The following CPLANE1 variants were observed in gnomAD, a reference collection of about 807,000 sequenced individuals.
CPLANE1 encodes ciliogenesis and planar polarity effector 1.
A neutral mutation model predicts 362.5 loss-of-function variants in CPLANE1; 263 were observed. The ratio of observed to expected loss-of-function variants is 0.73; its 90% CI spans 0.66 to 0.80. The LOEUF (loss-of-function observed/expected upper bound fraction) is 0.80, where lower values mean the gene tolerates loss of function less well. Ranked by LOEUF, CPLANE1 falls within the 30% of genes least tolerant of loss-of-function variation. The probability of loss-of-function intolerance (pLI) is 0.00; values close to 1 mark genes in which losing one functional copy is unlikely to be tolerated. For synonymous variants in CPLANE1, 1,212 were observed against 1,302.6 expected, an observed-to-expected ratio of 0.93 and a Z score of 1.50; for missense variants, 3,461 against 3,793.4, an observed-to-expected ratio of 0.91 and a Z score of 2.30.
intron 8 of CPLANE1, among the ~76,000 whole-genome samples, chr5:37,238,429 TAC>T (rs1304326548): frequency 1.4e-4 from 21 of 149,554 alleles, no homozygotes; most frequent in Non-Finnish European, 3.0e-5. Flanking sequence ...GTGATCCACC[TAC>T]CTCAGCCTCC....
chr5:37,174,803 A>G (rs1313857551), intron 31 of CPLANE1, among the ~76,000 whole-genome samples: 1 of 152,228 alleles, frequency 6.6e-6, no homozygotes, highest in Non-Finnish European at 1.5e-5. Context: ...AACACACCCA[A>G]TAAAAAAACT....
intron 32 of CPLANE1, among the ~76,000 whole-genome samples, 185 bp downstream of exon 32, chr5:37,173,570 G>C (rs1780371902): frequency 6.6e-6 from 1 of 152,038 alleles, no homozygotes; most frequent in Non-Finnish European, 1.5e-5. Context: ...CTCCCAAAGT[G>C]CTGGGATTAC....
chr5:37,087,313 G>T, the CPLANE1 span, among the ~76,000 whole-genome samples: 1 of 152,130 alleles, frequency 6.6e-6, no homozygotes, highest in African/African-American at 2.4e-5. Flanking sequence ...AGCCTAAAAA[G>T]GGGAAGGAGG....
chr5:37,205,706 C>G (rs923128974), intron 17 of CPLANE1, among the ~76,000 whole-genome samples: 1 of 152,102 alleles, frequency 6.6e-6, no homozygotes, highest in African/African-American at 2.4e-5. Context: ...CATAAGTGTG[C>G]TAAATAAATG....
chr5:37,123,110 T>G (rs553576190), intron 47 of CPLANE1, among the ~76,000 whole-genome samples: 1 of 152,190 alleles, frequency 6.6e-6, no homozygotes, highest in African/African-American at 2.4e-5. Flanking sequence ...AATTAGACAT[T>G]TAAAATTATC....
In CPLANE1 at chr5:37,245,893, T is replaced by G. The variant is rs1013117838; in HGVS notation, c.82-48A>C. ...GACTCAAGAGGTGCCAGAAATTAAT[T>G]CAACTTACTGCCTAAATAAATTATC... On this transcript the variant is annotated intron_variant, in intron 2 of 52. Transcript: ENST00000651892. The G allele has an allele frequency of 1.4e-5, 20 of 1,420,628 alleles. No individual in the cohort carries two copies. In the Admixed American group the frequency reaches 4.6e-4, roughly 33 times the overall value. The allele number at this position is 1,420,628 out of a possible 1,614,324, so 88.0% of individuals were successfully genotyped here. A position where few individuals can be genotyped will look rare whatever the true frequency, so the allele number is the denominator to read the frequency against.
chr5:37,115,287 A>G (rs1016336951), intron 50 of CPLANE1, among the ~76,000 whole-genome samples: 2 of 152,050 alleles, frequency 1.3e-5, no homozygotes, highest in East Asian at 1.9e-4. Context: ...GCACAGCCAT[A>G]CTCTTTTTTC....
At position 37,175,952 on chromosome 5, in the gene CPLANE1, T is replaced by A; in HGVS notation, c.5935A>T (p.Thr1979Ser). 6.2e-7 allele frequency: 1 copy of A among 1,613,402 alleles called. No individual in the cohort carries two copies. ...IEAFSHPGHT[T>S]PQSMQVDTSS... ...GTATCTACTTGCATTGATTGAGGAGTGGTATGCCCAGGATGTGAAAAGGCT... is the reference window on the plus strand; with the variant it reads ...GTATCTACTTGCATTGATTGAGGAGAGGTATGCCCAGGATGTGAAAAGGCT... The change falls in exon 31 of 53, where the codon ACT (threonine) becomes TCT (serine). Residue 1979 changes from threonine (T) to serine (S), a missense_variant. Physicochemically the swap from Thr to Ser is moderately conservative, Grantham distance 58. Around this residue, in one of 2 missense-constraint regions of CPLANE1, gnomAD observed 3,380 missense variants for 3,666.1 expected, o/e 0.92. Transcript: ENST00000651892.
intron 43 of CPLANE1, among the ~76,000 whole-genome samples, chr5:37,145,234 G>A (rs1771173712): frequency 1.3e-5 from 2 of 152,150 alleles, no homozygotes. Flanking sequence ...GAATCTGGGA[G>A]GCAGTGGTTG....
chr5:37,102,251 G>T (rs1264466603), downstream of CPLANE1, among the ~76,000 whole-genome samples: 1 of 151,916 alleles, frequency 6.6e-6, no homozygotes, highest in Non-Finnish European at 1.5e-5. Context: ...GTAGTGGTGC[G>T]ATCTTGGTTC....
chr5:37,145,932 G>C (rs1228617410), intron 43 of CPLANE1, among the ~76,000 whole-genome samples: 1 of 152,172 alleles, frequency 6.6e-6, no homozygotes, highest in African/African-American at 2.4e-5. Context: ...CAAACAGCCT[G>C]AAAGTAAAGG....
intron 33 of CPLANE1, among the ~76,000 whole-genome samples, chr5:37,169,795 C>T (rs993719459): frequency 1.3e-5 from 2 of 151,772 alleles, no homozygotes; most frequent in Admixed American, 6.6e-5. Flanking sequence ...GACATGATCT[C>T]GGCTCACTGC....
At chr5:37,154,820 C>T (rs1774599666) in intron 41 of CPLANE1, among the ~76,000 whole-genome samples, 2 of 152,162 alleles carry the variant, frequency 1.3e-5, no homozygotes, top group South Asian at 4.1e-4. Flanking sequence ...GCTCCAGCTC[C>T]TTATATCCTG....
chr5:37,108,347 C>T lies in CPLANE1; in HGVS notation c.9525G>A (p.Thr3175=), dbSNP rs780701062. ...GAATCTTATGGATTTCTGAAGGTAT[C>T]GTCCAGGGACTCACCACAGTCTCCT... ...EREETVVSPW[T]IPSEIHKILH... is the part of the protein sequence containing the mutation. The change falls in exon 52 of 53, where the codon ACG becomes ACA. Residue 3175 remains threonine, a synonymous_variant. Transcript: ENST00000651892. 19 of 1,613,994 alleles carry T rather than the reference C, an allele frequency of 1.2e-5. No individual in the cohort carries two copies. Among genetic ancestry groups the T allele is most frequent in the East Asian group, 4.5e-5 (2 of 44,892 alleles).
Position 37,125,296 on chromosome 5 carries a change from A to C in CPLANE1, c.8906T>G (p.Leu2969Arg). ...ATGTTCTTGCCCTCTCTTTTCTGCCAGCTCATTTAAGTACTTTGCCATTCT... is the reference window on the plus strand; with the variant it reads ...ATGTTCTTGCCCTCTCTTTTCTGCCCGCTCATTTAAGTACTTTGCCATTCT... ...KERMAKYLNE[L>R]AEKRGQEHDP... is the part of the protein sequence containing the mutation. The change falls in exon 47 of 53, where the codon CTG (leucine) becomes CGG (arginine). Residue 2969 changes from leucine (L) to arginine (R), a missense_variant. By Grantham distance (102) the Leu-to-Arg change is moderately radical (BLOSUM62 -2). Transcript: ENST00000651892. 1 of 1,614,000 alleles carries C rather than the reference A, an allele frequency of 6.2e-7. No homozygotes were observed. The highest frequency in any genetic ancestry group is 8.5e-7 in the Non-Finnish European group (1 of 1,179,964).
chr5:37,247,559 G>A, intron 2 of CPLANE1, 59 bp downstream of exon 2: 1 of 1,427,676 alleles, frequency 7.0e-7, no homozygotes, highest in Non-Finnish European at 9.5e-7. Flanking sequence ...CTATATTACA[G>A]GCAAAACACA....
chr5:37,167,062 TTTCC>T lies in CPLANE1; in HGVS notation c.7381_7384del (p.Gly2461ArgfsTer23). 6.2e-7 allele frequency: 1 copy of T among 1,610,962 alleles called. No homozygotes were observed. Among genetic ancestry groups the T allele is most frequent in the African/African-American group, 1.3e-5 (1 of 74,922 alleles). ...TAAGCCTTGCCTTTTTTTACTGTCC[TTTCC>T]TTGTCTTACTTCAGGTGGTTCTATT... On this transcript the variant is annotated frameshift_variant, in exon 35 of 53. Transcript: ENST00000651892. LOFTEE classifies it high-confidence loss of function.
At chr5:37,122,658 T>C (rs57591687) in intron 47 of CPLANE1, among the ~76,000 whole-genome samples, 170 bp from the exon 48 acceptor site, 10 of 152,106 alleles carry the variant, frequency 6.6e-5, no homozygotes, top group African/African-American at 2.4e-4. Context: ...GTAATTAAAG[T>C]AAAAACCAAT....
chr5:37,227,816 G>A lies in CPLANE1; in HGVS notation c.1123C>T (p.Pro375Ser), dbSNP rs774016809. The A allele has an allele frequency of 8.9e-5, 137 of 1,547,990 alleles. No homozygotes were observed. Among genetic ancestry groups the A allele is most frequent in the Middle Eastern group, 5.0e-4 (3 of 5,968 alleles). ...GAATCTTGAAACGTAAACTGCTGTG[G>A]TCTAGTAAACAAACATCAAAATACA... ...IPLHPLITYR[P>S]QQFTFQDSNN... is the part of the protein sequence containing the mutation. Residue 375 changes from proline (P) to serine (S), a missense_variant and splice_region_variant, in exon 10 of 53, where the codon CCA becomes TCA. Coordinates refer to ENST00000651892, the MANE Select transcript of CPLANE1 (RefSeq NM_001384732.1).
Sources: gnomAD v4.1 joint callset for allele counts (sites outside exome capture counted in the v4.1 genomes callset) on GRCh38, gnomAD v4.1.1 for gene constraint, gnomAD v4.1.1 regional missense constraint, MANE v1.5 for transcripts, NCBI Gene and HGNC (gene_info 2026-07-23, HGNC 2026-07-21) for gene names.